PCDHGB7: variants seen among roughly 807,000 people sequenced by gnomAD.
PCDHGB7 encodes protocadherin gamma subfamily B, 7, also known as protocadherin gamma-B7.
In PCDHGB7, 37 loss-of-function variants were observed where a neutral mutation model predicts 61.4. That is an observed-to-expected ratio of 0.60 (90% CI 0.46 to 0.79). The LOEUF is 0.79. Ranked by LOEUF, PCDHGB7 falls within the 30% of genes least tolerant of loss-of-function variation. The pLI is 0.00. For synonymous variants in PCDHGB7, 464 were observed against 503.5 expected (o/e 0.92, Z 1.05); for missense variants, 1,166 against 1,202.5 (o/e 0.97, Z 0.45).
chr5:141,427,429 G>A (rs2097025761), intron 1 of PCDHGB7: 1 of 471,078 alleles, frequency 2.1e-6, no homozygotes, highest in African/African-American at 2.0e-5. Flanking sequence ...GAGGTTACAT[G>A]CCTCATAAAC....
intron 1 of PCDHGB7, chr5:141,427,685 C>T: frequency 1.2e-6 from 1 of 852,116 alleles, no homozygotes; most frequent in Non-Finnish European, 1.9e-6. Context: ...TTCCCGGAGC[C>T]TCCATCCCAC....
chr5:141,510,813 C>G, intron 3 of PCDHGB7, 134 bp from the exon 4 acceptor site: 2 of 1,537,024 alleles, frequency 1.3e-6, no homozygotes, highest in Non-Finnish European at 1.8e-6. Context: ...CTTGGTGACC[C>G]CTATATTCCC....
chr5:141,466,612 C>T (rs141916895), intron 1 of PCDHGB7, among the ~76,000 whole-genome samples: 1 of 152,262 alleles, frequency 6.6e-6, no homozygotes, highest in East Asian at 1.9e-4. Flanking sequence ...TTGTAAACTG[C>T]CGTTTTCTTT....
At chr5:141,426,826 T>C (rs2096963111) in intron 1 of PCDHGB7, 1 of 456,600 alleles carries the variant, frequency 2.2e-6, no homozygotes, top group Admixed American at 2.3e-5. Flanking sequence ...TCTCTGATGA[T>C]GGACAAGACT....
At chr5:141,447,214 A>G (rs2098530358) in intron 1 of PCDHGB7, among the ~76,000 whole-genome samples, 1 of 152,092 alleles carries the variant, frequency 6.6e-6, no homozygotes, top group Admixed American at 6.6e-5. Context: ...ATCTCGGCTC[A>G]CTGCAACCTC....
At chr5:141,502,484 G>A (rs962659219) in intron 2 of PCDHGB7, among the ~76,000 whole-genome samples, 1 of 152,000 alleles carries the variant, frequency 6.6e-6, no homozygotes. Context: ...CATCACACTG[G>A]GACTCATCTA....
At chr5:141,428,204 C>T (rs756271858) in intron 1 of PCDHGB7, 23 of 1,324,604 alleles carry the variant, frequency 1.7e-5, no homozygotes, top group Admixed American at 5.5e-5. Flanking sequence ...TGCGCCGCTA[C>T]GCTTCACCTA....
chr5:141,430,830 G>C, intron 1 of PCDHGB7: 1 of 1,554,968 alleles, frequency 6.4e-7, no homozygotes, highest in Non-Finnish European at 8.7e-7. Context: ...GGGACTCTGT[G>C]GGAGACCGGA....
At chr5:141,466,146 T>C (rs977109086) in intron 1 of PCDHGB7, among the ~76,000 whole-genome samples, 5 of 151,880 alleles carry the variant, frequency 3.3e-5, no homozygotes, top group Non-Finnish European at 7.4e-5. Context: ...GTGAAAACTC[T>C]GGTCTTAAAC....
chr5:141,451,095 T>G (rs1158753327), intron 1 of PCDHGB7, among the ~76,000 whole-genome samples: 2 of 152,180 alleles, frequency 1.3e-5, no homozygotes, highest in African/African-American at 4.8e-5. Context: ...CCCAAAGTGT[T>G]GGGATTACAG....
chr5:141,428,495 T>C (rs1023405537), intron 1 of PCDHGB7: 3 of 295,346 alleles, frequency 1.0e-5, no homozygotes, highest in African/African-American at 6.5e-5. Flanking sequence ...AATCTGTATG[T>C]TCCCTCGGAT....
chr5:141,418,085 A>C lies in PCDHGB7; in HGVS notation c.226A>C (p.Ser76Arg), dbSNP rs1235378254. The change falls in exon 1 of 4, where the codon AGC becomes CGC. Residue 76 changes from serine to arginine, a missense_variant. Transcript: ENST00000398594. The stretch of plus-strand genomic sequence containing the variant: ...AGTGAGCGCGGAGAAGCTGCACTTC[A>C]GCGTAGACGCGCAGAGCGGGGACTT... ...LRVSAEKLHF[S>R]VDAQSGDLLV... The C allele has an allele frequency of 2.5e-6, 4 of 1,613,936 alleles. No homozygotes were observed. The highest frequency in any genetic ancestry group is 3.4e-6 in the Non-Finnish European group (4 of 1,179,908).
In PCDHGB7 at chr5:141,490,309, A is replaced by G. The variant is rs1485303337; in HGVS notation, c.2416-4498A>G. On this transcript the variant is annotated intron_variant, in intron 1 of 3. Transcript: ENST00000398594. The surrounding 1 kb of genome is among the most constrained non-coding windows in gnomAD (Gnocchi z 5.4). ...AGAGGTGCTATTGGCCTCTTTGGCCAACCCTGTCCTAGAGAGCACACCAGT... is the reference window on the plus strand; with the variant it reads ...AGAGGTGCTATTGGCCTCTTTGGCCGACCCTGTCCTAGAGAGCACACCAGT... The G allele has an allele frequency of 2.8e-5, 46 of 1,614,126 alleles. No homozygotes were observed. Among genetic ancestry groups the G allele is most frequent in the Non-Finnish European group, 3.8e-5 (45 of 1,180,056 alleles).
chr5:141,479,211 A>G (rs2099490342), intron 1 of PCDHGB7: 1 of 152,422 alleles, frequency 6.6e-6, no homozygotes, highest in African/African-American at 2.4e-5. Context: ...AAGTATTTAA[A>G]AAATTAAAAC....
chr5:141,501,701 G>A (rs747266621), intron 2 of PCDHGB7, among the ~76,000 whole-genome samples: 3 of 151,984 alleles, frequency 2.0e-5, no homozygotes, highest in East Asian at 1.9e-4. Flanking sequence ...GGGTGATTCC[G>A]AGGATAAAAA....
At position 141,419,739 on chromosome 5, in the gene PCDHGB7, G is replaced by T; in HGVS notation, c.1880G>T (p.Arg627Leu). 6.2e-7 allele frequency: 1 copy of T among 1,613,770 alleles called. No individual in the cohort carries two copies. The highest frequency in any genetic ancestry group is 1.1e-5 in the South Asian group (1 of 91,088). The change falls in exon 1 of 4, where the codon CGC (arginine) becomes CTC (leucine). Residue 627 changes from arginine to leucine, a missense_variant. Coordinates refer to ENST00000398594, the MANE Select transcript of PCDHGB7 (RefSeq NM_018927.4). Reference protein sequence around the residue: ...FSLGLRTGEVRMVRALGDKDS... With the variant: ...FSLGLRTGEVLMVRALGDKDS... ...CTGGGGCTGCGAACAGGCGAGGTGC[G>T]CATGGTGCGTGCTTTGGGTGACAAG... is the stretch of plus-strand genomic sequence containing the variant.
chr5:141,459,756 G>A (rs1455980132), intron 1 of PCDHGB7, among the ~76,000 whole-genome samples: 1 of 152,118 alleles, frequency 6.6e-6, no homozygotes, highest in Non-Finnish European at 1.5e-5. Flanking sequence ...AATTCTAGTG[G>A]GTGTGTGATA....
At chr5:141,430,936 C>T (rs2097327732) in intron 1 of PCDHGB7, 4 of 1,606,984 alleles carry the variant, frequency 2.5e-6, no homozygotes, top group Admixed American at 3.4e-5. Flanking sequence ...CCCGGGAGCT[C>T]GCGGAGCGCG....
chr5:141,463,965 C>T (rs1207852177), intron 1 of PCDHGB7, among the ~76,000 whole-genome samples: 1 of 151,648 alleles, frequency 6.6e-6, no homozygotes, highest in African/African-American at 2.4e-5. Context: ...AAAATAGCTT[C>T]ATAAAACTCC....
Sources: allele counts gnomAD v4.1 joint callset (sites outside exome capture counted in the v4.1 genomes callset), GRCh38; gene constraint gnomAD v4.1.1; non-coding constraint Gnocchi (gnomAD v3.1); transcripts MANE v1.5; gene names NCBI Gene and HGNC (gene_info 2026-07-23, HGNC 2026-07-21).